Variants in LRRTM4 observed in about 807,000 individuals in gnomAD.
LRRTM4 encodes the protein leucine rich repeat transmembrane neuronal 4.
In LRRTM4, 25 loss-of-function variants were observed where a neutral mutation model predicts 47.6. That is an observed-to-expected ratio of 0.53 (90% CI 0.38 to 0.73). The LOEUF (loss-of-function observed/expected upper bound fraction) is 0.73, where lower values mean the gene tolerates loss of function less well. Among genes scored for constraint, LRRTM4 ranks in the 30% least tolerant of loss-of-function variants. The pLI, the probability that LRRTM4 is intolerant of heterozygous loss-of-function variation, is 0.00. For synonymous variants in LRRTM4, 311 were observed against 269.5 expected (o/e 1.15, Z -1.51); for missense variants, 638 against 713.4 (o/e 0.89, Z 1.20).
At chr2:77,346,908 A>G (rs553351697) in intron 3 of LRRTM4, among the ~76,000 whole-genome samples, 1 of 152,258 alleles carries the variant, frequency 6.6e-6, no homozygotes, top group Admixed American at 6.5e-5. Flanking sequence ...CACTACTCAA[A>G]ACATGAAAAT....
At chr2:77,016,910 G>C (rs1475481608) in intron 3 of LRRTM4, among the ~76,000 whole-genome samples, 2 of 151,884 alleles carry the variant, frequency 1.3e-5, no homozygotes, top group East Asian at 3.9e-4. Flanking sequence ...ACAGCCAGCA[G>C]AGAAATGTGT....
At chr2:77,011,320 A>C (rs1197725821) in intron 3 of LRRTM4, among the ~76,000 whole-genome samples, 2 of 152,112 alleles carry the variant, frequency 1.3e-5, no homozygotes, top group African/African-American at 4.8e-5. Context: ...CTTAATTCAG[A>C]CTAGTTGCAT....
At chr2:77,439,400 T>G (rs974295423) in intron 3 of LRRTM4, among the ~76,000 whole-genome samples, 1 of 152,062 alleles carries the variant, frequency 6.6e-6, no homozygotes, top group Non-Finnish European at 1.5e-5. Context: ...TAGGTACATA[T>G]CCATAGCTTT....
intron 3 of LRRTM4, among the ~76,000 whole-genome samples, chr2:77,048,051 C>T (rs188790097): frequency 4.0e-4 from 60 of 151,878 alleles, no homozygotes; most frequent in East Asian, 2.9e-3. Context: ...ACATATCTCT[C>T]GATTATCTCA....
At chr2:77,307,083 G>A (rs902371154) in intron 3 of LRRTM4, among the ~76,000 whole-genome samples, 3 of 151,422 alleles carry the variant, frequency 2.0e-5, no homozygotes, top group Non-Finnish European at 4.4e-5. Context: ...GTATTGTTTA[G>A]TAGAGACGGG....
intron 3 of LRRTM4, among the ~76,000 whole-genome samples, chr2:77,330,165 C>T (rs1179232967): frequency 1.3e-5 from 2 of 152,168 alleles, no homozygotes; most frequent in African/African-American, 2.4e-5. Context: ...AAATAAATGT[C>T]ACTTGAAGAG....
At chr2:76,868,303 G>A (rs1403591823) in intron 3 of LRRTM4, among the ~76,000 whole-genome samples, 1 of 152,090 alleles carries the variant, frequency 6.6e-6, no homozygotes, top group Non-Finnish European at 1.5e-5. Flanking sequence ...ATAGGACCCA[G>A]TTTCTATCCT....
At chr2:76,819,371 G>C (rs1220703723) in intron 3 of LRRTM4, among the ~76,000 whole-genome samples, 1 of 151,702 alleles carries the variant, frequency 6.6e-6, no homozygotes, top group Non-Finnish European at 1.5e-5. Flanking sequence ...CAAATCAGAA[G>C]ACATAAGTAG....
intron 3 of LRRTM4, among the ~76,000 whole-genome samples, chr2:77,394,157 TACAGACTATAA>T (rs1673609955): frequency 6.6e-6 from 1 of 151,784 alleles, no homozygotes. Flanking sequence ...ATAAGCAAAT[TACAGACTATAA>T]ACAGCTGCTG....
intron 3 of LRRTM4, among the ~76,000 whole-genome samples, chr2:77,309,794 C>T (rs1335401661): frequency 6.6e-6 from 1 of 152,160 alleles, no homozygotes; most frequent in African/African-American, 2.4e-5. Flanking sequence ...AATAAACCGT[C>T]CCATCTCCAT....
At chr2:76,978,486 C>T (rs1213982684) in intron 3 of LRRTM4, among the ~76,000 whole-genome samples, 5 of 151,988 alleles carry the variant, frequency 3.3e-5, no homozygotes, top group Admixed American at 6.6e-5. Context: ...TTCAAATGCT[C>T]ACTATATAAC....
rs1481549269 is a variant in LRRTM4, at chr2:76,949,261, A to C, written c.1552-200345T>G. Among the ~76,000 whole-genome samples, 3 of 151,924 alleles carry C rather than the reference A, an allele frequency of 2.0e-5. No individual in the cohort carries two copies. The East Asian group carries it at 5.8e-4, about 29-fold the overall frequency. ...ATTAGAAAATGAGTTCAAATAAATG[A>C]ATAGTTATCAAGTTTCTGGCTCTTT... On this transcript the variant is annotated intron_variant, in intron 3 of 3. Transcript: ENST00000409884.
Position 77,519,201 on chromosome 2 carries a change from G to A in LRRTM4, c.668C>T (p.Ala223Val). 1.2e-6 allele frequency: 2 copies of A among 1,613,298 alleles called. No individual in the cohort carries two copies. Among genetic ancestry groups the A allele is most frequent in the Non-Finnish European group, 8.5e-7 (1 of 1,179,592 alleles). Residue 223 changes from alanine (A) to valine (V), a missense_variant, in exon 3 of 4, where the codon GCT (alanine) becomes GTT (valine). Ala to Val is a moderately conservative substitution (Grantham distance 64). Transcript: ENST00000409884. This position sits in a 1 kb window ranked among gnomAD's most constrained non-coding sequence, Gnocchi z 4.6. The stretch of plus-strand genomic sequence containing the variant: ...GAGGTTGAAGAGACGTGGAAAATGA[G>A]CAAAGTTGATCTTGGAAAACTGGTT... ...EHNQFSKINF[A>V]HFPRLFNLRS...
Position 77,519,116 on chromosome 2 carries a change from A to G in LRRTM4, c.753T>C (p.Thr251=). ...AATCCAAGTTGTGTAAGGAACTCCA[A>G]GTCCATGTCAAACCTTGGCTAATGG... ...IRSISQGLTW[T]WSSLHNLDLS... Residue 251 remains threonine (T), a synonymous_variant, in exon 3 of 4, where the codon ACT becomes ACC. Transcript: ENST00000409884. This position sits in a 1 kb window ranked among gnomAD's most constrained non-coding sequence, Gnocchi z 4.6. The G allele has an allele frequency of 6.2e-7, 1 of 1,613,078 alleles. No individual in the cohort carries two copies. Among genetic ancestry groups the G allele is most frequent in the Non-Finnish European group, 8.5e-7 (1 of 1,179,494 alleles).
chr2:76,992,205 A>G (rs923102769), intron 3 of LRRTM4, among the ~76,000 whole-genome samples: 3 of 151,890 alleles, frequency 2.0e-5, no homozygotes, highest in African/African-American at 7.2e-5. Context: ...TGCTGGAAGC[A>G]TTATCCTTAA....
intron 3 of LRRTM4, among the ~76,000 whole-genome samples, chr2:77,206,732 C>T (rs2103911969): frequency 6.6e-6 from 1 of 152,204 alleles, no homozygotes; most frequent in East Asian, 1.9e-4. Flanking sequence ...AATCCATCTA[C>T]TTTGGCCTCC....
At chr2:76,858,559 T>A (rs1303862399) in intron 3 of LRRTM4, among the ~76,000 whole-genome samples, 4 of 152,168 alleles carry the variant, frequency 2.6e-5, no homozygotes, top group Non-Finnish European at 1.5e-5. Context: ...GTCTATCCAA[T>A]TTTGAAGGGT....
At chr2:76,916,562 T>G (rs116503294) in intron 3 of LRRTM4, among the ~76,000 whole-genome samples, 3 of 151,968 alleles carry the variant, frequency 2.0e-5, no homozygotes, top group Non-Finnish European at 2.9e-5. Flanking sequence ...AATAGGCAAT[T>G]TGCAATTAAA....
At chr2:76,914,987 G>T (rs1183933732) in intron 3 of LRRTM4, among the ~76,000 whole-genome samples, 1 of 152,188 alleles carries the variant, frequency 6.6e-6, no homozygotes, top group Non-Finnish European at 1.5e-5. Flanking sequence ...ATCCACTGAG[G>T]TACGCAGAAA....
Sources: gnomAD v4.1 joint callset for allele counts (sites outside exome capture counted in the v4.1 genomes callset) on GRCh38, gnomAD v4.1.1 for gene constraint, Gnocchi (gnomAD v3.1) non-coding constraint, MANE v1.5 for transcripts, NCBI Gene and HGNC (gene_info 2026-07-23, HGNC 2026-07-21) for gene names.